The following RPTN variants were observed in gnomAD, a reference collection of about 807,000 sequenced individuals.
The protein encoded by RPTN is intermediate filament-associated protein.
Under a neutral mutation model 3.6 loss-of-function variants are expected in RPTN, and 4 were observed. The ratio of observed to expected loss-of-function variants is 1.12; its 90% CI spans 0.55 to 2.55. The LOEUF (loss-of-function observed/expected upper bound fraction) is 2.55. RPTN is among the 30% of genes most tolerant of loss of function. RPTN has a pLI of 0.02. For synonymous variants in RPTN, 293 were observed against 319.3 expected, an observed-to-expected ratio of 0.92 and a Z score of 0.88; for missense variants, 860 against 916.7, an observed-to-expected ratio of 0.94 and a Z score of 0.80.
Position 152,156,335 on chromosome 1 carries a change from T to C in RPTN, c.764A>G (p.Gln255Arg). Residue 255 changes from glutamine to arginine, a missense_variant, in exon 3 of 3, where the codon CAA becomes CGA. By Grantham distance (43) the Gln-to-Arg change is conservative. Coordinates refer to ENST00000316073, the MANE Select transcript of RPTN (RefSeq NM_001122965.1). Reference sequence around the variant, plus strand: ...ATTTGTCTGGTTAAAGTGAGAGGCTTGTCCAAGTGTTTCAGATTGTTGTGT... The same window carrying C: ...ATTTGTCTGGTTAAAGTGAGAGGCTCGTCCAAGTGTTTCAGATTGTTGTGT... ...RHTQQSETLG[Q>R]ASHFNQTNQQ... 1 of 1,614,268 alleles carries C rather than the reference T, an allele frequency of 6.2e-7. No individual in the cohort carries two copies. The highest frequency in any genetic ancestry group is 8.5e-7 in the Non-Finnish European group (1 of 1,180,054).
In RPTN at chr1:152,153,611, T is replaced by C. The variant is rs984632248; in HGVS notation, c.*1133A>G. On this transcript the variant is annotated 3_prime_UTR_variant, in exon 3 of 3. Coordinates refer to ENST00000316073, the MANE Select transcript of RPTN (RefSeq NM_001122965.1). The stretch of plus-strand genomic sequence containing the variant: ...CATGACAGTTATTGCTCATCAATTA[T>C]TTATTAGATATTTTAATACAATTCA... 1 of 152,276 alleles carries C rather than the reference T, an allele frequency of 6.6e-6. No individual in the cohort carries two copies. Among genetic ancestry groups the C allele is most frequent in the Admixed American group, 6.5e-5 (1 of 15,282 alleles). 9.4% of individuals were successfully genotyped at this position (152,276 alleles called of 1,614,324 possible).
Position 152,156,332 on chromosome 1 carries a change from G to C in RPTN, c.767C>G (p.Ala256Gly). The change falls in exon 3 of 3, where the codon GCC becomes GGC. Residue 256 changes from alanine to glycine, a missense_variant. Physicochemically the swap from Ala to Gly is moderately conservative, Grantham distance 60. Transcript: ENST00000316073. ...HTQQSETLGQ[A>G]SHFNQTNQQK... ...TTGATTTGTCTGGTTAAAGTGAGAGGCTTGTCCAAGTGTTTCAGATTGTTG... is the reference window on the plus strand; with the variant it reads ...TTGATTTGTCTGGTTAAAGTGAGAGCCTTGTCCAAGTGTTTCAGATTGTTG... 1 of 1,614,256 alleles carries C rather than the reference G, an allele frequency of 6.2e-7. No homozygotes were observed. The highest frequency in any genetic ancestry group is 8.5e-7 in the Non-Finnish European group (1 of 1,180,056).
Position 152,156,871 on chromosome 1 carries a change from C to G in RPTN, c.228G>C (p.Leu76Phe), listed in dbSNP as rs201106227. 4.3e-5 allele frequency: 69 copies of G among 1,614,082 alleles called. No homozygotes were observed. In the Middle Eastern group the frequency reaches 1.8e-3, roughly 42 times the overall value. The change falls in exon 3 of 3, where the codon TTG (leucine) becomes TTC (phenylalanine). Residue 76 changes from leucine to phenylalanine, a missense_variant. Physicochemically the swap from Leu to Phe is conservative, Grantham distance 22. Transcript: ENST00000316073. ...DGHIDFHEYL[L>F]LVFQLVQACY... Reference sequence around the variant, plus strand: ...AGGCTTGGACCAACTGGAACACCAACAAGAGGTACTCATGAAAATCAATAT... The same window carrying G: ...AGGCTTGGACCAACTGGAACACCAAGAAGAGGTACTCATGAAAATCAATAT...
At chr1:152,158,037 A>T in intron 1 of RPTN, 128 bp from the exon 2 acceptor site, 2 of 698,302 alleles carry the variant, frequency 2.9e-6, no homozygotes, top group Non-Finnish European at 2.4e-6. Context: ...TCTTAGCTGT[A>T]CCCCTTCCTT....
chr1:152,156,954 T>C lies in RPTN; in HGVS notation c.145A>G (p.Asn49Asp). The change falls in exon 3 of 3, where the codon AAT (asparagine) becomes GAT (aspartate). Residue 49 changes from asparagine to aspartate, a missense_variant. Asn to Asp is a conservative substitution (Grantham distance 23). Transcript: ENST00000316073. ...ATGGTTTCCACAGTCTCTGGGTCAT[T>C]TGGTCTCTGTTAGGAGATAAAACAA... is the stretch of plus-strand genomic sequence containing the variant. ...AEFGDILQRPNDPETVETILN... is the reference protein window; with the variant it reads ...AEFGDILQRPDDPETVETILN... 6.2e-7 allele frequency: 1 copy of C among 1,612,108 alleles called. No homozygotes were observed. Among genetic ancestry groups the C allele is most frequent in the Middle Eastern group, 1.7e-4 (1 of 6,054 alleles).
Position 152,156,430 on chromosome 1 carries a change from T to A in RPTN, c.669A>T (p.Gly223=), listed in dbSNP as rs898040264. ...CACACCGATTTAAGGCAAAGATATG[T>A]CCCTGCCATTTAGCCTGGCCACTGG... is the stretch of plus-strand genomic sequence containing the variant. ...KSTSGQAKWQ[G]HIFALNRCEK... The change falls in exon 3 of 3, where the codon GGA becomes GGT. Residue 223 remains glycine (G), a synonymous_variant. Coordinates refer to ENST00000316073, the MANE Select transcript of RPTN (RefSeq NM_001122965.1). 6.2e-7 allele frequency: 1 copy of A among 1,614,136 alleles called. No individual in the cohort carries two copies. The highest frequency in any genetic ancestry group is 8.5e-7 in the Non-Finnish European group (1 of 1,180,060).
chr1:152,158,158 G>T (rs1659243990), intron 1 of RPTN, among the ~76,000 whole-genome samples: 1 of 152,136 alleles, frequency 6.6e-6, no homozygotes, highest in Non-Finnish European at 1.5e-5. Context: ...AAAATGCATT[G>T]CAGGTGTTTT....
rs1366919889 is a variant in RPTN, at chr1:152,155,576, C to A, written c.1523G>T (p.Ser508Ile). 6.2e-7 allele frequency: 1 copy of A among 1,603,392 alleles called. No individual in the cohort carries two copies. The highest frequency in any genetic ancestry group is 8.5e-7 in the Non-Finnish European group (1 of 1,172,794). Reference protein sequence around the residue: ...HYGQPDGQGQSSHYGQTDRQG... With the variant: ...HYGQPDGQGQISHYGQTDRQG... The stretch of plus-strand genomic sequence containing the variant: ...TCTGTCTGTCTGACCATAGTGGGAA[C>A]TTTGGCCTTGTCCGTCTGGCTGACC... The change falls in exon 3 of 3, where the codon AGT (serine) becomes ATT (isoleucine). Residue 508 changes from serine to isoleucine, a missense_variant. Coordinates refer to ENST00000316073, the MANE Select transcript of RPTN (RefSeq NM_001122965.1).
At position 152,155,097 on chromosome 1, in the gene RPTN, G is replaced by A. The variant is rs750267129; in HGVS notation, c.2002C>T (p.Gln668Ter). Residue 668 changes from glutamine (Q) to a stop codon, truncating the protein, a stop_gained, in exon 3 of 3, where the codon CAA (glutamine) becomes TAA (stop). Coordinates refer to ENST00000316073, the MANE Select transcript of RPTN (RefSeq NM_001122965.1). LOFTEE classifies it low-confidence loss of function (END_TRUNC). ...CCTTTGTGACAAAGTGGTCTTTCTT[G>A]TTGGATTTGTGCTAAGAGTTTGTGT... ...HQHKLLAQIQ[Q>*]ERPLCHKGRD... 3 of 1,614,008 alleles carry A rather than the reference G, an allele frequency of 1.9e-6. No homozygotes were observed. The highest frequency in any genetic ancestry group is 2.7e-5 in the African/African-American group (2 of 74,898).
At position 152,153,901 on chromosome 1, in the gene RPTN, G is replaced by T. The variant is rs189902321; in HGVS notation, c.*843C>A. 6.6e-6 allele frequency: 1 copy of T among 152,502 alleles called. No individual in the cohort carries two copies. The highest frequency in any genetic ancestry group is 2.1e-4 in the South Asian group (1 of 4,824). The allele number at this position is 152,502 out of a possible 1,614,324, so 9.4% of individuals were successfully genotyped here. The stretch of plus-strand genomic sequence containing the variant: ...GATGCACTCTATGTTCTCGGCTCTT[G>T]TAGCAGCCTTGAACTGAGTTTCATT... On this transcript the variant is annotated 3_prime_UTR_variant, in exon 3 of 3. Coordinates refer to ENST00000316073, the MANE Select transcript of RPTN (RefSeq NM_001122965.1).
At position 152,154,761 on chromosome 1, in the gene RPTN, G is replaced by C; in HGVS notation, c.2338C>G (p.Gln780Glu). Residue 780 changes from glutamine (Q) to glutamate (E), a missense_variant, in exon 3 of 3, where the codon CAG becomes GAG. By Grantham distance (29) the Gln-to-Glu change is conservative. Coordinates refer to ENST00000316073, the MANE Select transcript of RPTN (RefSeq NM_001122965.1). ...RRDRQTHEDE[Q>E]NHQR is the part of the protein sequence containing the mutation. ...TGCCTGTCTCATCTCTGATGGTTCT[G>C]CTCGTCTTCATGGGTTTGCCTGTCT... 1 of 1,614,008 alleles carries C rather than the reference G, an allele frequency of 6.2e-7. No individual in the cohort carries two copies. The highest frequency in any genetic ancestry group is 8.5e-7 in the Non-Finnish European group (1 of 1,180,000).
In RPTN at chr1:152,156,733, T is replaced by C. The variant is rs764457355; in HGVS notation, c.366A>G (p.Arg122=). 5 of 1,614,194 alleles carry C rather than the reference T, an allele frequency of 3.1e-6. No homozygotes were observed. The highest frequency in any genetic ancestry group is 1.6e-4 in the Middle Eastern group (1 of 6,062). The change falls in exon 3 of 3, where the codon AGA becomes AGG. Residue 122 remains arginine (R), a synonymous_variant. Transcript: ENST00000316073. The part of the protein sequence containing the change: ...KFPGNTGRQH[R]QRHEEERQNS... ...TCTGCCTTTCTTCCTCGTGCCTCTG[T>C]CTGTGTTGTCTGCCTGTGTTTCCTG... is the stretch of plus-strand genomic sequence containing the variant.
Position 152,156,283 on chromosome 1 carries a change from T to G in RPTN, c.816A>C (p.Gly272=), listed in dbSNP as rs776779293. The stretch of plus-strand genomic sequence containing the variant: ...ATTCCTGACCTAGCCTCTCAGACTG[T>G]CCACAATAAGAGCCTGATTTCTGTT... ...TNQQKSGSYC[G]QSERLGQELG... is the part of the protein sequence containing the mutation. Residue 272 remains glycine (G), a synonymous_variant, in exon 3 of 3, where the codon GGA becomes GGC. Transcript: ENST00000316073. The G allele has an allele frequency of 6.2e-7, 1 of 1,614,250 alleles. No homozygotes were observed. The highest frequency in any genetic ancestry group is 2.2e-5 in the East Asian group (1 of 44,886).
chr1:152,155,708 C>A lies in RPTN; in HGVS notation c.1391G>T (p.Gly464Val). ...ACTCTGGCCTTGTCTGTCTGTCTGA[C>A]CATAGTGGGAACTCTGGCCTTGTCT... ...TDRQGQSSHY[G>V]QTDRQGQSSH... Residue 464 changes from glycine (G) to valine (V), a missense_variant, in exon 3 of 3, where the codon GGT (glycine) becomes GTT (valine). By Grantham distance (109) the Gly-to-Val change is moderately radical (BLOSUM62 -3). Coordinates refer to ENST00000316073, the MANE Select transcript of RPTN (RefSeq NM_001122965.1). 1 of 1,601,942 alleles carries A rather than the reference C, an allele frequency of 6.2e-7. No individual in the cohort carries two copies. Among genetic ancestry groups the A allele is most frequent in the Non-Finnish European group, 8.5e-7 (1 of 1,170,758 alleles).
At chr1:152,158,315 T>C (rs989010064) in intron 1 of RPTN, among the ~76,000 whole-genome samples, 1 of 152,118 alleles carries the variant, frequency 6.6e-6, no homozygotes, top group African/African-American at 2.4e-5. Flanking sequence ...ACTAGCAAAC[T>C]GGAGGGGGCA....
In RPTN at chr1:152,155,336, G is replaced by C; in HGVS notation, c.1763C>G (p.Thr588Ser). 6.2e-7 allele frequency: 1 copy of C among 1,614,212 alleles called. No individual in the cohort carries two copies. Among genetic ancestry groups the C allele is most frequent in the Non-Finnish European group, 8.5e-7 (1 of 1,180,048 alleles). ...CTTATTTTGCCCTTGTATTTCCCCA[G>C]TCTGTGATTGAATATAGTGGGAACT... ...GQSSHYIQSQ[T>S]GEIQGQNKYF... Residue 588 changes from threonine (T) to serine (S), a missense_variant, in exon 3 of 3, where the codon ACT (threonine) becomes AGT (serine). Physicochemically the swap from Thr to Ser is moderately conservative, Grantham distance 58. Transcript: ENST00000316073.
At position 152,154,569 on chromosome 1, in the gene RPTN, G is replaced by A; in HGVS notation, c.*175C>T. 3.3e-6 allele frequency: 3 copies of A among 915,394 alleles called. No homozygotes were observed. Among genetic ancestry groups the A allele is most frequent in the Non-Finnish European group, 5.0e-6 (3 of 597,594 alleles). The allele number at this position is 915,394 out of a possible 1,614,324, so 56.7% of individuals were successfully genotyped here. A position where few individuals can be genotyped will look rare whatever the true frequency, so the allele number is the denominator to read the frequency against. ...AAGGATGGTTCAGTGTGTCTTTTCT[G>A]TGAGCCTTGGCTCTGGTCATCCTCT... On this transcript the variant is annotated 3_prime_UTR_variant, in exon 3 of 3. Transcript: ENST00000316073.
intron 2 of RPTN, 144 bp downstream of exon 2, chr1:152,157,608 G>A: frequency 1.6e-6 from 1 of 620,894 alleles, no homozygotes; most frequent in African/African-American, 1.8e-5. Context: ...TGTGTATGCT[G>A]GGAGAGAACT....
Position 152,156,116 on chromosome 1 carries a change from C to A in RPTN, c.983G>T (p.Ser328Ile). 1 of 1,613,342 alleles carries A rather than the reference C, an allele frequency of 6.2e-7. No homozygotes were observed. Among genetic ancestry groups the A allele is most frequent in the Non-Finnish European group, 8.5e-7 (1 of 1,179,672 alleles). The change falls in exon 3 of 3, where the codon AGT becomes ATT. Residue 328 changes from serine (S) to isoleucine (I), a missense_variant. Physicochemically the swap from Ser to Ile is moderately radical, Grantham distance 142. Coordinates refer to ENST00000316073, the MANE Select transcript of RPTN (RefSeq NM_001122965.1). ...HYSQTDRQGQ[S>I]SHYSQPDRQG... The stretch of plus-strand genomic sequence containing the variant: ...TCTGTCTGGCTGACTGTAGTGGGAA[C>A]TCTGGCCTTGTCTGTCCGTCTGACT...
Sources: allele counts gnomAD v4.1 joint callset (sites outside exome capture counted in the v4.1 genomes callset), GRCh38; gene constraint gnomAD v4.1.1; transcripts MANE v1.5; gene names NCBI Gene and HGNC (gene_info 2026-07-23, HGNC 2026-07-21).